The following SLC23A3 variants were observed in gnomAD, a reference collection of about 807,000 sequenced individuals.
SLC23A3 encodes the protein solute carrier family 23 member 3.
Under a neutral mutation model 64.7 loss-of-function variants are expected in SLC23A3, and 41 were observed. The observed-to-expected ratio is 0.63, with a 90% CI of 0.49 to 0.82. The LOEUF (loss-of-function observed/expected upper bound fraction) is 0.82, where lower values mean the gene tolerates loss of function less well. Ranked by LOEUF, SLC23A3 falls within the 40% of genes least tolerant of loss-of-function variation. SLC23A3 has a pLI of 0.00. For synonymous variants in SLC23A3, 281 were observed against 306.8 expected (o/e 0.92, Z 0.88); for missense variants, 647 against 733.4 (o/e 0.88, Z 1.36).
chr2:219,166,132 CA>C (rs35073041), intron 7 of SLC23A3, among the ~76,000 whole-genome samples: 97,122 of 143,140 alleles, frequency 0.68, 32,398 homozygotes, highest in Non-Finnish European at 0.74. Context: ...AACTCCATTT[CA>C]AAAAAAAAAA....
Position 219,163,536 on chromosome 2 carries a change from G to A in SLC23A3, c.1293C>T (p.Thr431=), listed in dbSNP as rs754798308. Residue 431 remains threonine (T), a synonymous_variant, in exon 10 of 12, where the codon ACC becomes ACT. Transcript: ENST00000409878. The stretch of plus-strand genomic sequence containing the variant: ...ATCCAGCAGACAAAACCACAGCCTG[G>A]GTCACCCCCAGCACCCCACCTGTCT... ...LPVVGGVLGV[T]QAVVLSAGFS... 2 of 1,614,088 alleles carry A rather than the reference G, an allele frequency of 1.2e-6. No individual in the cohort carries two copies. Among genetic ancestry groups the A allele is most frequent in the Admixed American group, 3.3e-5 (2 of 60,006 alleles).
chr2:219,166,102 A>G (rs1950002906), intron 7 of SLC23A3, among the ~76,000 whole-genome samples: 1 of 151,380 alleles, frequency 6.6e-6, no homozygotes, highest in African/African-American at 2.4e-5. Context: ...ATTGCACTCC[A>G]GCCTGGGCGA....
At chr2:219,163,367 C>T (rs530087940) in intron 10 of SLC23A3, 21 bp downstream of exon 10, 89 of 1,609,478 alleles carry the variant, frequency 5.5e-5, no homozygotes, top group South Asian at 1.9e-4. Flanking sequence ...TACTGAGCAA[C>T]GCCTCTTCCC....
chr2:219,165,730 G>A (rs1243628941), intron 7 of SLC23A3, among the ~76,000 whole-genome samples: 1 of 152,256 alleles, frequency 6.6e-6, no homozygotes, highest in African/African-American at 2.4e-5. Flanking sequence ...CCACCACAGG[G>A]CCTTTGCATA....
chr2:219,169,166 G>C lies in SLC23A3; in HGVS notation c.419-64C>G. On this transcript the variant is annotated intron_variant, in intron 3 of 11. Transcript: ENST00000409878. The surrounding 1 kb of genome is among the most constrained non-coding windows in gnomAD (Gnocchi z 4.5). ...TGGAATGGAGACCCATTGCTCTACA[G>C]TCCCACTCCTGGCACAGGTCCAAGC... The C allele has an allele frequency of 2.5e-6, 4 of 1,600,966 alleles. No homozygotes were observed. The highest frequency in any genetic ancestry group is 3.4e-6 in the Non-Finnish European group (4 of 1,168,550).
intron 5 of SLC23A3, 31 bp downstream of exon 5, chr2:219,168,621 C>G: frequency 6.2e-7 from 1 of 1,605,518 alleles, no homozygotes; most frequent in Non-Finnish European, 8.5e-7. Context: ...CCCCACTGGG[C>G]ACCATCCCAC....
Position 219,167,104 on chromosome 2 carries a change from C to T in SLC23A3, c.913+826G>A, listed in dbSNP as rs541439435. ...GAAATCCCGTCTCTACAAAACAACA[C>T]AAAAATTAGCCAGGCATGGTGGTGC... On this transcript the variant is annotated intron_variant, in intron 7 of 11. Transcript: ENST00000409878. Among the ~76,000 whole-genome samples the T allele has an allele frequency of 2.6e-5, 4 of 152,052 alleles. No individual in the cohort carries two copies. In the East Asian group the frequency reaches 7.7e-4, roughly 29 times the overall value.
At chr2:219,165,145 C>A in intron 8 of SLC23A3, 24 bp downstream of exon 8, 1 of 1,550,748 alleles carries the variant, frequency 6.4e-7, no homozygotes, top group Non-Finnish European at 8.7e-7. Context: ...CATCCTACCC[C>A]ACTCCCATCC....
At position 219,168,167 on chromosome 2, in the gene SLC23A3, C is replaced by T. The variant is rs540446054; in HGVS notation, c.798+28G>A. On this transcript the variant is annotated intron_variant, in intron 6 of 11. Coordinates refer to ENST00000409878, the MANE Select transcript of SLC23A3 (RefSeq NM_001144889.2). ...CACTCCAGGCCAGCCCTTCTGACCT[C>T]TACTGCCCTGCCCAGACCCACACAT... 4 of 1,611,774 alleles carry T rather than the reference C, an allele frequency of 2.5e-6. No individual in the cohort carries two copies. The South Asian group carries it at 4.4e-5, about 18-fold the overall frequency.
chr2:219,169,157 T>C lies in SLC23A3; in HGVS notation c.419-55A>G. The C allele has an allele frequency of 2.5e-6, 4 of 1,600,330 alleles. No individual in the cohort carries two copies. The highest frequency in any genetic ancestry group is 3.4e-6 in the Non-Finnish European group (4 of 1,167,746). On this transcript the variant is annotated intron_variant, in intron 3 of 11. Transcript: ENST00000409878. This position sits in a 1 kb window ranked among gnomAD's most constrained non-coding sequence, Gnocchi z 4.5. The stretch of plus-strand genomic sequence containing the variant: ...AAGGGTGAATGGAATGGAGACCCAT[T>C]GCTCTACAGTCCCACTCCTGGCACA...
intron 8 of SLC23A3, chr2:219,164,628 C>T (rs181131456): frequency 1.5e-4 from 46 of 299,478 alleles, no homozygotes; most frequent in African/African-American, 8.0e-4. Context: ...GGTGCGGTCT[C>T]GGCTCACAGC....
intron 9 of SLC23A3, 67 bp downstream of exon 9, chr2:219,164,166 A>G: frequency 2.0e-5 from 22 of 1,097,074 alleles, no homozygotes; most frequent in South Asian, 1.8e-4. Flanking sequence ...GTGCCATCCT[A>G]AAGAACTGAT....
Position 219,165,192 on chromosome 2 carries a change from C to T in SLC23A3, c.1144G>A (p.Val382Met), listed in dbSNP as rs1949992585. Residue 382 changes from valine (V) to methionine (M), a missense_variant, in exon 8 of 12, where the codon GTG becomes ATG. Physicochemically the swap from Val to Met is conservative, Grantham distance 21. Transcript: ENST00000409878. Reference protein sequence around the residue: ...PMGTASSFPNVGKVGLIQAGS... With the variant: ...PMGTASSFPNMGKVGLIQAGS... ...ACCTGGATAAGACCCACTTTGCCCA[C>T]GTTGGGGAAGCTGGATGCAGTGCCC... 5 of 1,551,938 alleles carry T rather than the reference C, an allele frequency of 3.2e-6. No homozygotes were observed. The highest frequency in any genetic ancestry group is 3.5e-6 in the Non-Finnish European group (4 of 1,147,094).
rs1950031752 is a variant in SLC23A3 at position 219,168,821 on chromosome 2, C to T, written c.505G>A (p.Val169Met). 6.3e-7 allele frequency: 1 copy of T among 1,585,888 alleles called. No homozygotes were observed. The highest frequency in any genetic ancestry group is 8.6e-7 in the Non-Finnish European group (1 of 1,166,360). The change falls in exon 5 of 12, where the codon GTG (valine) becomes ATG (methionine). Residue 169 changes from valine to methionine, a missense_variant. Coordinates refer to ENST00000409878, the MANE Select transcript of SLC23A3 (RefSeq NM_001144889.2). ...CCCTGCAGCAGCCCAGATACTACCA[C>T]TGCCCCGGACACCTGGTAGAAGAGA... ...NTSLQEVSGA[V>M]VVSGLLQGMM... is the part of the protein sequence containing the mutation.
At position 219,169,565 on chromosome 2, in the gene SLC23A3, AAAG is replaced by A. The variant is rs771252269; in HGVS notation, c.273_275del (p.Phe92del). The A allele has an allele frequency of 1.2e-6, 2 of 1,614,176 alleles. No individual in the cohort carries two copies. The highest frequency in any genetic ancestry group is 1.7e-6 in the Non-Finnish European group (2 of 1,180,034). On this transcript the variant is annotated inframe_deletion, in exon 2 of 12. Transcript: ENST00000409878. This position sits in a 1 kb window ranked among gnomAD's most constrained non-coding sequence, Gnocchi z 4.5. ...GCAGGATGGTAGACATACCACATGA[AAAG>A]AAGCTGGAGGCCAGGAGCTGAGAAG...
At chr2:219,163,985 G>A (rs7575555) in intron 9 of SLC23A3, among the ~76,000 whole-genome samples, 102,030 of 151,926 alleles carry the variant, frequency 0.67, 34,933 homozygotes, top group Non-Finnish European at 0.75. Context: ...TACAGGTGTG[G>A]GCCACCACGC....
At chr2:219,162,776 G>A (rs553731463) in intron 10 of SLC23A3, among the ~76,000 whole-genome samples, 5 of 152,226 alleles carry the variant, frequency 3.3e-5, no homozygotes, top group South Asian at 2.1e-4. Flanking sequence ...TTTGTTGGGG[G>A]TGGTGGTGCA....
At chr2:219,166,196 G>C (rs1950003995) in intron 7 of SLC23A3, among the ~76,000 whole-genome samples, 3 of 151,658 alleles carry the variant, frequency 2.0e-5, no homozygotes, top group African/African-American at 7.3e-5. Flanking sequence ...TAAGTTTTTT[G>C]GTTTGTTTGT....
chr2:219,167,871 T>G, intron 7 of SLC23A3, 59 bp downstream of exon 7: 1 of 1,275,164 alleles, frequency 7.8e-7, no homozygotes, highest in Non-Finnish European at 1.1e-6. Context: ...TTAAGTTCTT[T>G]GAGTTCAAAT....
Sources: allele counts gnomAD v4.1 joint callset (sites outside exome capture counted in the v4.1 genomes callset), GRCh38; gene constraint gnomAD v4.1.1; non-coding constraint Gnocchi (gnomAD v3.1); transcripts MANE v1.5; gene names NCBI Gene and HGNC (gene_info 2026-07-23, HGNC 2026-07-21).